SHROOM4: variants seen among roughly 807,000 people sequenced by gnomAD.
SHROOM4 encodes protein Shroom4.
In SHROOM4, 17 loss-of-function variants were observed where a neutral mutation model predicts 80.3. That is an observed-to-expected ratio of 0.21 (90% CI 0.14 to 0.32). The LOEUF is 0.32. SHROOM4 is among the 10% of genes least tolerant of loss of function. SHROOM4 has a pLI of 1.00. For missense variants in SHROOM4, 993 were observed against 1,140.3 expected (o/e 0.87, Z 1.86); for synonymous variants, 400 against 437.5 (o/e 0.91, Z 1.07).
At chrX:50,730,091 C>T (rs1456814975) in intron 1 of SHROOM4, among the ~76,000 whole-genome samples, 1 of 111,907 alleles carries the variant, frequency 8.9e-6, no homozygotes, top group African/African-American at 3.3e-5. Context: ...TAGGTAGTGA[C>T]AAGGAATATA....
chrX:50,625,567 G>T (rs1317817778), intron 5 of SHROOM4, among the ~76,000 whole-genome samples: 1 of 110,968 alleles, frequency 9.0e-6, no homozygotes, highest in Non-Finnish European at 1.9e-5. Flanking sequence ...TTAATTTCCT[G>T]TAATATTGTT....
At chrX:50,742,795 C>A (rs1934692658) in intron 1 of SHROOM4, among the ~76,000 whole-genome samples, 1 of 111,168 alleles carries the variant, frequency 9.0e-6, no homozygotes, top group Admixed American at 9.6e-5. Context: ...CAATTTTTTC[C>A]TTTCCATACT....
At chrX:50,623,011 A>G (rs1264437626) in intron 5 of SHROOM4, among the ~76,000 whole-genome samples, 1 of 111,700 alleles carries the variant, frequency 9.0e-6, no homozygotes, top group Non-Finnish European at 1.9e-5. Context: ...AGTAGGTCTG[A>G]GTATGGCCTG....
At chrX:50,711,724 G>A (rs1445560329) in intron 1 of SHROOM4, among the ~76,000 whole-genome samples, 7 of 112,108 alleles carry the variant, frequency 6.2e-5, no homozygotes, top group African/African-American at 1.9e-4. Context: ...TAGAATCTAG[G>A]TGATGGGTAT....
intron 1 of SHROOM4, among the ~76,000 whole-genome samples, chrX:50,762,747 T>A (rs782369487): frequency 8.9e-6 from 1 of 112,220 alleles, no homozygotes; most frequent in East Asian, 2.8e-4. Flanking sequence ...TTCTTTCTGA[T>A]GAGAAGTCAG....
chrX:50,682,386 T>C (rs1557261886), intron 2 of SHROOM4, among the ~76,000 whole-genome samples: 2 of 111,709 alleles, frequency 1.8e-5, no homozygotes, highest in African/African-American at 6.5e-5. Context: ...CAATAACCCT[T>C]ACTGCCCTTG....
intron 1 of SHROOM4, among the ~76,000 whole-genome samples, chrX:50,796,514 A>G (rs192491459): frequency 6.3e-5 from 7 of 111,358 alleles, no homozygotes; most frequent in South Asian, 7.6e-4. Context: ...TCTGGTCTAG[A>G]ATGTCGGAGG....
intron 1 of SHROOM4, among the ~76,000 whole-genome samples, chrX:50,713,465 T>A (rs1933871733): frequency 9.2e-6 from 1 of 108,278 alleles, no homozygotes; most frequent in East Asian, 2.9e-4. Flanking sequence ...GCCCTGTCTC[T>A]AAAATTTTTT....
rs1488013050 is a variant in SHROOM4 at position 50,590,609 on chromosome X, C to G, written c.*6086G>C. On this transcript the variant is annotated 3_prime_UTR_variant, in exon 9 of 9. Transcript: ENST00000376020. ...CAGCCACAAGGTAGCCATCTGCAAA[C>G]CATAAAGTGGGCCCTCACAAGGCAT... Among the ~76,000 whole-genome samples, 3 of 111,788 alleles carry G rather than the reference C, an allele frequency of 2.7e-5. No homozygotes were observed. Among genetic ancestry groups the G allele is most frequent in the Non-Finnish European group, 5.6e-5 (3 of 53,162 alleles).
At chrX:50,740,250 A>T (rs1401786686) in intron 1 of SHROOM4, among the ~76,000 whole-genome samples, 1 of 105,951 alleles carries the variant, frequency 9.4e-6, no homozygotes, top group Non-Finnish European at 1.9e-5. Context: ...TAATGGGTGC[A>T]GCACACCAAC....
intron 2 of SHROOM4, among the ~76,000 whole-genome samples, chrX:50,666,371 A>C (rs1275879704): frequency 9.0e-6 from 1 of 111,596 alleles, no homozygotes; most frequent in Non-Finnish European, 1.9e-5. Context: ...TTTTATGGTG[A>C]TAACTTACTG....
At chrX:50,805,428 G>A (rs1936207591) in intron 1 of SHROOM4, among the ~76,000 whole-genome samples, 1 of 111,797 alleles carries the variant, frequency 8.9e-6, no homozygotes, top group African/African-American at 3.3e-5. Flanking sequence ...ACACCACAAA[G>A]GGGCTGTTCG....
In SHROOM4 at chrX:50,596,729, C is replaced by G; in HGVS notation, c.4448G>C (p.Arg1483Thr). 1 of 1,211,632 alleles carries G rather than the reference C, an allele frequency of 8.3e-7. No individual in the cohort carries two copies. The highest frequency in any genetic ancestry group is 1.1e-6 in the Non-Finnish European group (1 of 895,618). ...KLGEEQLKCLRESLLLGPSNF is the reference protein window; with the variant it reads ...KLGEEQLKCLTESLLLGPSNF Reference sequence around the variant, plus strand: ...GCTGGGCCCCAGGAGTAGACTCTCCCTGAGACATTTGAGTTGCTCTTCCCC... The same window carrying G: ...GCTGGGCCCCAGGAGTAGACTCTCCGTGAGACATTTGAGTTGCTCTTCCCC... Residue 1483 changes from arginine (R) to threonine (T), a missense_variant, in exon 9 of 9, where the codon AGG (arginine) becomes ACG (threonine). Transcript: ENST00000376020.
At chrX:50,740,685 A>C (rs782411356) in intron 1 of SHROOM4, among the ~76,000 whole-genome samples, 1 of 112,165 alleles carries the variant, frequency 8.9e-6, no homozygotes, top group South Asian at 3.8e-4. Flanking sequence ...TCACTAAGAT[A>C]GGCCATATGT....
intron 5 of SHROOM4, among the ~76,000 whole-genome samples, chrX:50,615,873 T>TG (rs1930215195): frequency 8.9e-6 from 1 of 112,209 alleles, no homozygotes; most frequent in Non-Finnish European, 1.9e-5. Flanking sequence ...CGTATTTATT[T>TG]GGGGTAGCGC....
intron 1 of SHROOM4, among the ~76,000 whole-genome samples, chrX:50,733,297 C>T (rs782057786): frequency 1.8e-5 from 2 of 111,824 alleles, no homozygotes; most frequent in South Asian, 7.6e-4. Context: ...ATCCACACTG[C>T]CATCATTTAA....
intron 1 of SHROOM4, among the ~76,000 whole-genome samples, chrX:50,787,758 C>A (rs1935773515): frequency 1.7e-5 from 1 of 58,458 alleles, no homozygotes. Context: ...ATGATATATT[C>A]AAAGCGCTAA....
chrX:50,607,288 C>A lies in SHROOM4; in HGVS notation c.3761+93G>T, dbSNP rs373296133. ...GGCTGGGAGCAGTTTAACTGGCCAG[C>A]CTGAGGTCATCCAGTTAGTAAATAG... On this transcript the variant is annotated intron_variant, in intron 6 of 8. Coordinates refer to ENST00000376020, the MANE Select transcript of SHROOM4 (RefSeq NM_020717.5). 13 of 1,024,982 alleles carry A rather than the reference C, an allele frequency of 1.3e-5. No homozygotes were observed. The East Asian group carries it at 4.2e-4, about 33-fold the overall frequency. The allele number at this position is 1,024,982 out of a possible 1,213,427, so 84.5% of individuals were successfully genotyped here. A position where few individuals can be genotyped will look rare whatever the true frequency, so the allele number is the denominator to read the frequency against.
chrX:50,720,750 C>T, intron 1 of SHROOM4, among the ~76,000 whole-genome samples: 1 of 111,162 alleles, frequency 9.0e-6, no homozygotes, highest in Non-Finnish European at 1.9e-5. Context: ...GGCACTTAGT[C>T]TTAAATGAAG....
Sources: allele counts gnomAD v4.1 joint callset (sites outside exome capture counted in the v4.1 genomes callset), GRCh38; gene constraint gnomAD v4.1.1; transcripts MANE v1.5; gene names NCBI Gene and HGNC (gene_info 2026-07-23, HGNC 2026-07-21).